Variants in PTPN14 observed in about 807,000 individuals in gnomAD.
PTPN14 encodes the protein tyrosine-protein phosphatase non-receptor type 14.
In PTPN14, 53 loss-of-function variants were observed where a neutral mutation model predicts 126.8. The ratio of observed to expected loss-of-function variants is 0.42; its 90% CI spans 0.34 to 0.53. The LOEUF (loss-of-function observed/expected upper bound fraction) is 0.53, where lower values mean the gene tolerates loss of function less well. PTPN14 is among the 20% of genes least tolerant of loss of function. PTPN14 has a pLI of 0.08. For synonymous variants in PTPN14, 630 were observed against 599.3 expected (o/e 1.05, Z -0.75); for missense variants, 1,257 against 1,552.9 (o/e 0.81, Z 3.20).
At position 214,426,371 on chromosome 1, in the gene PTPN14, G is replaced by C. The variant is rs560471686; in HGVS notation, c.345-11645C>G. Among the ~76,000 whole-genome samples the C allele has an allele frequency of 2.6e-5, 4 of 152,232 alleles. No homozygotes were observed. In the East Asian group the frequency reaches 7.7e-4, roughly 29 times the overall value. ...CCCTTCTTGAGGCTCTAGGATTAAAGGAGGAGATACTTCATTTGTTAAATG... is the reference window on the plus strand; with the variant it reads ...CCCTTCTTGAGGCTCTAGGATTAAACGAGGAGATACTTCATTTGTTAAATG... On this transcript the variant is annotated intron_variant, in intron 3 of 18. Coordinates refer to ENST00000366956, the MANE Select transcript of PTPN14 (RefSeq NM_005401.5).
chr1:214,487,567 G>A (rs2102413572), intron 1 of PTPN14, among the ~76,000 whole-genome samples: 1 of 146,072 alleles, frequency 6.8e-6, no homozygotes, highest in Non-Finnish European at 1.5e-5. Context: ...CCAGGAAGGA[G>A]AGGTTGCAAC....
rs777296176 is a variant in PTPN14, at chr1:214,386,207, C to T, written c.1066+637G>A. On this transcript the variant is annotated intron_variant, in intron 12 of 18. Coordinates refer to ENST00000366956, the MANE Select transcript of PTPN14 (RefSeq NM_005401.5). Reference sequence around the variant, plus strand: ...GGTTTATTTTAAGGATGACATAAGACAATATATAGCAAGTACTTACAGCAA... The same window carrying T: ...GGTTTATTTTAAGGATGACATAAGATAATATATAGCAAGTACTTACAGCAA... Among the ~76,000 whole-genome samples, 3 of 152,158 alleles carry T rather than the reference C, an allele frequency of 2.0e-5. No individual in the cohort carries two copies. The South Asian group carries it at 6.2e-4, about 32-fold the overall frequency.
rs113489064 is a variant in PTPN14, at chr1:214,514,068, T to C, written c.-155+37115A>G. On this transcript the variant is annotated intron_variant, in intron 1 of 18. Coordinates refer to ENST00000366956, the MANE Select transcript of PTPN14 (RefSeq NM_005401.5). ...CCTCCCTCAATTTTCCTTTTTTCTCTCCTTGTCTTTTTTTAAATCCAGGAT... is the reference window on the plus strand; with the variant it reads ...CCTCCCTCAATTTTCCTTTTTTCTCCCCTTGTCTTTTTTTAAATCCAGGAT... Among the ~76,000 whole-genome samples, 655 of 152,216 alleles carry C rather than the reference T, an allele frequency of 4.3e-3. 5 individuals are homozygous for C. Among genetic ancestry groups the C allele is most frequent in the Non-Finnish European group, 6.8e-3 (464 of 68,020 alleles).
chr1:214,545,092 A>C (rs1200135730), intron 1 of PTPN14, among the ~76,000 whole-genome samples: 1 of 152,228 alleles, frequency 6.6e-6, no homozygotes, highest in Non-Finnish European at 1.5e-5. Context: ...GCAGATGGGT[A>C]TGAGAAGATA....
At position 214,357,840 on chromosome 1, in the gene PTPN14, G is replaced by C. The variant is rs75290267; in HGVS notation, c.*82C>G. 38,025 of 1,325,240 alleles carry C rather than the reference G, an allele frequency of 0.029. 653 individuals carry two copies. The highest frequency in any genetic ancestry group is 0.04 in the Middle Eastern group (156 of 3,854). The allele number at this position is 1,325,240 out of a possible 1,614,324, so 82.1% of individuals were successfully genotyped here. On this transcript the variant is annotated 3_prime_UTR_variant, in exon 19 of 19. Transcript: ENST00000366956. ...GCTGCCAGCCACCTGCACCCCTGTG[G>C]GGGGAGCAGATGTTGTCTGGAGGTG... is the stretch of plus-strand genomic sequence containing the variant.
chr1:214,409,543 T>G (rs115763152), intron 5 of PTPN14, among the ~76,000 whole-genome samples: 2,606 of 152,312 alleles, frequency 0.017, 83 homozygotes, highest in African/African-American at 0.059. Context: ...TGTAGACATC[T>G]CTTTGACATA....
intron 1 of PTPN14, among the ~76,000 whole-genome samples, chr1:214,539,923 G>A (rs1655795416): frequency 6.6e-6 from 1 of 152,058 alleles, no homozygotes; most frequent in Non-Finnish European, 1.5e-5. Context: ...ATCCTCCCCA[G>A]CCTTTATTTT....
intron 2 of PTPN14, among the ~76,000 whole-genome samples, chr1:214,459,566 T>C (rs2102645323): frequency 6.6e-6 from 1 of 151,010 alleles, no homozygotes; most frequent in East Asian, 2.0e-4. Context: ...AACTCCCTGG[T>C]TCAAGTGATT....
At chr1:214,463,026 C>T (rs4233304) in intron 2 of PTPN14, among the ~76,000 whole-genome samples, 126,134 of 152,162 alleles carry the variant, frequency 0.83, 52,388 homozygotes, top group African/African-American at 0.89. Flanking sequence ...CCTCAAAAGA[C>T]TCAGTAACTT....
chr1:214,450,188 G>A (rs908414001), intron 3 of PTPN14, among the ~76,000 whole-genome samples: 5 of 137,942 alleles, frequency 3.6e-5, no homozygotes, highest in African/African-American at 8.3e-5. Context: ...AAAGCAAGCA[G>A]AGGCCGGGCG....
At chr1:214,490,544 G>A (rs1160298668) in intron 1 of PTPN14, among the ~76,000 whole-genome samples, 1 of 151,940 alleles carries the variant, frequency 6.6e-6, no homozygotes, top group Non-Finnish European at 1.5e-5. Context: ...TTATATTTGT[G>A]TTCCTTTAAG....
intron 3 of PTPN14, among the ~76,000 whole-genome samples, chr1:214,431,326 T>C (rs1659792593): frequency 6.6e-6 from 1 of 152,132 alleles, no homozygotes. Flanking sequence ...TATAAATGGG[T>C]GGTACAGATA....
chr1:214,367,691 G>A lies in PTPN14; in HGVS notation c.3271+1766C>T, dbSNP rs147990936. On this transcript the variant is annotated intron_variant, in intron 17 of 18. Coordinates refer to ENST00000366956, the MANE Select transcript of PTPN14 (RefSeq NM_005401.5). ...CTTTCCAGGTGGGTGAGTAAAGAAC[G>A]GGGTCTCCTGACAAGCACAGGACAG... Among the ~76,000 whole-genome samples, 23 of 152,212 alleles carry A rather than the reference G, an allele frequency of 1.5e-4. No homozygotes were observed. The East Asian group carries it at 3.3e-3, about 22-fold the overall frequency.
rs148547412 is a variant in PTPN14, at chr1:214,376,294, G to A, written c.2832C>T (p.Pro944=). 6.6e-5 allele frequency: 107 copies of A among 1,614,022 alleles called. No individual in the cohort carries two copies. The highest frequency in any genetic ancestry group is 8.8e-5 in the Non-Finnish European group (104 of 1,180,034). The part of the protein sequence containing the change: ...AERSRIREVV[P]YEENRVELIP... ...TCAGCTCTACTCGATTCTCCTCATA[G>A]GGGACAACTTCACGGATTCGGCTGC... is the stretch of plus-strand genomic sequence containing the variant. Residue 944 remains proline, a synonymous_variant, in exon 15 of 19, where the codon CCC becomes CCT. Transcript: ENST00000366956.
chr1:214,514,978 T>A (rs1393436922), intron 1 of PTPN14, among the ~76,000 whole-genome samples: 3 of 152,094 alleles, frequency 2.0e-5, no homozygotes, highest in Admixed American at 2.0e-4. Flanking sequence ...TAGCCGACAA[T>A]AAACAAGCAT....
chr1:214,357,961 T>C lies in PTPN14; in HGVS notation c.3525A>G (p.Gln1175=), dbSNP rs762105361. 7.4e-6 allele frequency: 12 copies of C among 1,613,382 alleles called. No individual in the cohort carries two copies. In the South Asian group the frequency reaches 1.2e-4, roughly 16 times the overall value. The change falls in exon 19 of 19, where the codon CAA becomes CAG. Residue 1175 remains glutamine, a synonymous_variant. Coordinates refer to ENST00000366956, the MANE Select transcript of PTPN14 (RefSeq NM_005401.5). ...AGTTTTGGAGGAACTGGATGAGGAC[T>C]TGGTAGACAAACTTGTACTGAGCGA... The part of the protein sequence containing the change: ...QTIAQYKFVY[Q]VLIQFLQNSR...
rs1553258555 is a variant in PTPN14 at position 214,364,806 on chromosome 1, T to TGTGTGTGTGTGTGTGTGTGTG, written c.3272-132_3272-131insCACACACACACACACACACAC. 25 of 859,188 alleles carry TGTGTGTGTGTGTGTGTGTGTG rather than the reference T, an allele frequency of 2.9e-5. No homozygotes were observed. The highest frequency in any genetic ancestry group is 1.2e-4 in the African/African-American group (7 of 57,386). The allele number at this position is 859,188 out of a possible 1,614,324, so 53.2% of individuals were successfully genotyped here. On this transcript the variant is annotated intron_variant, in intron 17 of 18. Transcript: ENST00000366956. This position sits in a 1 kb window ranked among gnomAD's most constrained non-coding sequence, Gnocchi z 4.1. Reference sequence around the variant, plus strand: ...GTGTGTGTGTGTGTGTGTGTGTGTGTTTTAAGTGACAATAATTTATAGTTC... The same window carrying TGTGTGTGTGTGTGTGTGTGTG: ...GTGTGTGTGTGTGTGTGTGTGTGTGTGTGTGTGTGTGTGTGTGTGTGTTTAAGTGACAATAATTTATAGTTC...
At chr1:214,382,730 T>A (rs1658502988) in intron 13 of PTPN14, among the ~76,000 whole-genome samples, 1 of 152,244 alleles carries the variant, frequency 6.6e-6, no homozygotes, top group Non-Finnish European at 1.5e-5. Flanking sequence ...TTCACGTATG[T>A]GTGTGAATTT....
intron 1 of PTPN14, among the ~76,000 whole-genome samples, chr1:214,494,593 C>A (rs1461770817): frequency 6.6e-6 from 1 of 152,156 alleles, no homozygotes; most frequent in Non-Finnish European, 1.5e-5. Flanking sequence ...TATTGTGTTG[C>A]CTTGTCATCT....
Sources: allele counts gnomAD v4.1 joint callset (sites outside exome capture counted in the v4.1 genomes callset), GRCh38; gene constraint gnomAD v4.1.1; non-coding constraint Gnocchi (gnomAD v3.1); transcripts MANE v1.5; gene names NCBI Gene and HGNC (gene_info 2026-07-23, HGNC 2026-07-21).